Variants in PGCKA1 observed in about 807,000 individuals in gnomAD.
PGCKA1 encodes PDCD10 and GCKIII kinases associated 1, also known as PDCD10 and GCKIII kinases-associated protein 1.
chr4:37,559,539 A>G, the PGCKA1 span, among the ~76,000 whole-genome samples: 4 of 151,758 alleles, frequency 2.6e-5, no homozygotes, highest in Non-Finnish European at 1.5e-5. Context: ...GCACATGTAT[A>G]CATATGTAAC....
the PGCKA1 span, among the ~76,000 whole-genome samples, chr4:37,585,023 T>TA: frequency 3.0e-5 from 4 of 133,092 alleles, no homozygotes; most frequent in Non-Finnish European, 6.6e-5. Flanking sequence ...TTTTTTTTTT[T>TA]ACTACCTATC....
the PGCKA1 span, among the ~76,000 whole-genome samples, chr4:37,485,261 T>C: frequency 6.6e-6 from 1 of 152,138 alleles, no homozygotes; most frequent in East Asian, 1.9e-4. Context: ...CCCCCAAAGT[T>C]CATGAGTTAG....
At chr4:37,573,617 G>A in the PGCKA1 span, among the ~76,000 whole-genome samples, 1 of 152,144 alleles carries the variant, frequency 6.6e-6, no homozygotes, top group African/African-American at 2.4e-5. Context: ...TCTTTCTCCA[G>A]CACCTTGTTA....
the PGCKA1 span, among the ~76,000 whole-genome samples, chr4:37,558,468 C>G: frequency 6.6e-6 from 1 of 152,110 alleles, no homozygotes; most frequent in Non-Finnish European, 1.5e-5. Context: ...CACCTGGGTA[C>G]TTGTTAGAAA....
the PGCKA1 span, among the ~76,000 whole-genome samples, chr4:37,553,697 C>T: frequency 7.9e-5 from 12 of 152,136 alleles, no homozygotes; most frequent in Admixed American, 2.6e-4. Context: ...ATCTTAGAAT[C>T]GATAAAATGT....
chr4:37,548,653 T>C, the PGCKA1 span, among the ~76,000 whole-genome samples: 2 of 152,180 alleles, frequency 1.3e-5, no homozygotes, highest in African/African-American at 4.8e-5. Context: ...CACACTAATA[T>C]AAAGGTAAAA....
the PGCKA1 span, among the ~76,000 whole-genome samples, chr4:37,517,397 G>A: frequency 6.6e-6 from 1 of 151,396 alleles, no homozygotes; most frequent in African/African-American, 2.4e-5. Context: ...AATGCTAGTG[G>A]TAACCACAGA....
the PGCKA1 span, among the ~76,000 whole-genome samples, chr4:37,454,345 T>A: frequency 2.6e-5 from 4 of 152,334 alleles, no homozygotes; most frequent in East Asian, 7.7e-4. Flanking sequence ...TAATTGGTTG[T>A]GTGAAACATT....
the PGCKA1 span, among the ~76,000 whole-genome samples, chr4:37,479,855 A>G: frequency 6.6e-6 from 1 of 152,226 alleles, no homozygotes; most frequent in Non-Finnish European, 1.5e-5. Flanking sequence ...AGATTACTTC[A>G]TTTGTGCTGT....
the PGCKA1 span, among the ~76,000 whole-genome samples, chr4:37,576,258 T>C: frequency 6.6e-6 from 1 of 152,250 alleles, no homozygotes; most frequent in African/African-American, 2.4e-5. Context: ...TTTTAATTTC[T>C]TTCACCAACA....
At chr4:37,519,949 T>G in the PGCKA1 span, among the ~76,000 whole-genome samples, 4 of 152,156 alleles carry the variant, frequency 2.6e-5, no homozygotes, top group African/African-American at 9.7e-5. Flanking sequence ...CCCCCAGTAT[T>G]TTTAGGGATT....
At chr4:37,471,911 T>C in the PGCKA1 span, among the ~76,000 whole-genome samples, 1 of 152,192 alleles carries the variant, frequency 6.6e-6, no homozygotes, top group Non-Finnish European at 1.5e-5. Flanking sequence ...CTTGAGCCTG[T>C]CTTAACCTCT....
At chr4:37,523,076 T>TAA in the PGCKA1 span, among the ~76,000 whole-genome samples, 1 of 152,172 alleles carries the variant, frequency 6.6e-6, no homozygotes, top group Admixed American at 6.5e-5. Flanking sequence ...CCTTATGGCC[T>TAA]AGCCTGCCTT....
At chr4:37,548,895 T>C in the PGCKA1 span, among the ~76,000 whole-genome samples, 15 of 152,214 alleles carry the variant, frequency 9.9e-5, no homozygotes, top group Non-Finnish European at 2.1e-4. Flanking sequence ...ACAAAAGCAA[T>C]TGTGATGCTT....
At chr4:37,499,351 G>A in the PGCKA1 span, among the ~76,000 whole-genome samples, 1 of 152,118 alleles carries the variant, frequency 6.6e-6, no homozygotes, top group Admixed American at 6.5e-5. Flanking sequence ...GAATTAGGGA[G>A]GAGTCCCTTT....
the PGCKA1 span, among the ~76,000 whole-genome samples, chr4:37,466,023 C>T: frequency 1.6e-5 from 1 of 62,148 alleles, no homozygotes; most frequent in African/African-American, 5.7e-5. Context: ...GTAAAAGATA[C>T]TGGATTGCTG....
At chr4:37,511,544 C>T in the PGCKA1 span, among the ~76,000 whole-genome samples, 3 of 151,650 alleles carry the variant, frequency 2.0e-5, no homozygotes, top group East Asian at 5.8e-4. Flanking sequence ...GACCAGTACG[C>T]TATCATACTG....
At chr4:37,476,833 C>T in the PGCKA1 span, among the ~76,000 whole-genome samples, 2 of 152,148 alleles carry the variant, frequency 1.3e-5, no homozygotes, top group African/African-American at 4.8e-5. Flanking sequence ...GCAGGTACCA[C>T]AGCAGGTGTA....
chr4:37,565,948 C>T, the PGCKA1 span, among the ~76,000 whole-genome samples: 1 of 152,158 alleles, frequency 6.6e-6, no homozygotes, highest in Non-Finnish European at 1.5e-5. Context: ...GCCTAGCCTC[C>T]CAGCCTACAT....
Sources: allele counts gnomAD v4.1 joint callset (sites outside exome capture counted in the v4.1 genomes callset), GRCh38; gene constraint gnomAD v4.1.1; transcripts MANE v1.5; gene names NCBI Gene and HGNC (gene_info 2026-07-23, HGNC 2026-07-21).